Variants in HACD2 observed in about 807,000 individuals in gnomAD.
The protein encoded by HACD2 is 3-hydroxyacyl-CoA dehydratase 2.
A neutral mutation model predicts 31.0 loss-of-function variants in HACD2; 15 were observed. That is an observed-to-expected ratio of 0.48 (90% CI 0.32 to 0.75). The LOEUF (loss-of-function observed/expected upper bound fraction) is 0.75, where lower values mean the gene tolerates loss of function less well. Among genes scored for constraint, HACD2 ranks in the 30% least tolerant of loss-of-function variants. The probability of loss-of-function intolerance (pLI) is 0.03; values close to 1 mark genes in which losing one functional copy is unlikely to be tolerated. For synonymous variants in HACD2, 115 were observed against 122.2 expected (o/e 0.94, Z 0.39); for missense variants, 283 against 313.0 (o/e 0.90, Z 0.72).
rs2056167221 is a variant in HACD2, at chr3:123,517,950, TGGGAGGCCGAGGCGGGCGG to T, written c.381+10417_381+10435del. On this transcript the variant is annotated intron_variant, in intron 4 of 6. Coordinates refer to ENST00000383657, the MANE Select transcript of HACD2 (RefSeq NM_198402.5). ...GCTCACGCCTGTAATCCCAGCACTTTGGGAGGCCGAGGCGGGCGGATCACGAGGTCAGGAGATCGAGACC... is the reference window on the plus strand; with the variant it reads ...GCTCACGCCTGTAATCCCAGCACTTTATCACGAGGTCAGGAGATCGAGACC... Among the ~76,000 whole-genome samples, 16 of 9,370 alleles carry T rather than the reference TGGGAGGCCGAGGCGGGCGG, an allele frequency of 1.7e-3. 8 individuals carry two copies. The highest frequency in any genetic ancestry group is 3.2e-3 in the Admixed American group (2 of 626). 6.1% of individuals were successfully genotyped at this position (9,370 alleles called of 152,430 possible).
intron 3 of HACD2, among the ~76,000 whole-genome samples, chr3:123,563,511 C>T (rs1335869538): frequency 6.6e-6 from 1 of 152,178 alleles, no homozygotes; most frequent in Non-Finnish European, 1.5e-5. Flanking sequence ...ACTAAACCCA[C>T]AGGAGCAGTG....
At chr3:123,503,458 T>C (rs530798720) in intron 4 of HACD2, among the ~76,000 whole-genome samples, 6 of 152,174 alleles carry the variant, frequency 3.9e-5, no homozygotes, top group African/African-American at 1.2e-4. Flanking sequence ...AGGAGGCAGT[T>C]AGAGCCAGAG....
rs1017869564 is a variant in HACD2, at chr3:123,567,540, A to T, written c.292+222T>A. 2.6e-5 allele frequency among the ~76,000 whole-genome samples: 4 copies of T among 152,210 alleles called. No individual in the cohort carries two copies. The East Asian group carries it at 7.7e-4, about 29-fold the overall frequency. ...GAGACACCTCTTTTAAATTAACAGA[A>T]CAAAATAGCTGTGAACTTTAATAAA... is the stretch of plus-strand genomic sequence containing the variant. On this transcript the variant is annotated intron_variant, in intron 3 of 6. Coordinates refer to ENST00000383657, the MANE Select transcript of HACD2 (RefSeq NM_198402.5).
At chr3:123,511,843 A>C (rs1222445940) in intron 4 of HACD2, among the ~76,000 whole-genome samples, 1 of 152,138 alleles carries the variant, frequency 6.6e-6, no homozygotes, top group African/African-American at 2.4e-5. Context: ...CCTCATGTTG[A>C]AATCTGATCC....
chr3:123,538,084 T>C (rs1356640846), intron 3 of HACD2, among the ~76,000 whole-genome samples: 1 of 152,114 alleles, frequency 6.6e-6, no homozygotes, highest in Non-Finnish European at 1.5e-5. Context: ...TCAAACACCA[T>C]GGGACTCAGA....
intron 4 of HACD2, among the ~76,000 whole-genome samples, chr3:123,517,096 AT>A (rs1559906467): frequency 6.6e-6 from 1 of 152,216 alleles, no homozygotes; most frequent in Non-Finnish European, 1.5e-5. Flanking sequence ...GAAGGGAAAA[AT>A]TCAATTTATT....
chr3:123,532,897 AG>A (rs1297901204), intron 3 of HACD2, among the ~76,000 whole-genome samples: 3 of 149,806 alleles, frequency 2.0e-5, no homozygotes, highest in African/African-American at 7.3e-5. Flanking sequence ...TATTTGCCGT[AG>A]GAATGGTGTA....
intron 4 of HACD2, among the ~76,000 whole-genome samples, chr3:123,510,940 TTTTTG>T (rs1171085536): frequency 1.4e-5 from 2 of 144,814 alleles, no homozygotes; most frequent in African/African-American, 2.7e-5. Flanking sequence ...GTGTTTTTTT[TTTTTG>T]TTTTTTTTTG....
intron 4 of HACD2, among the ~76,000 whole-genome samples, chr3:123,525,793 T>C (rs1282983425): frequency 6.6e-6 from 1 of 152,186 alleles, no homozygotes; most frequent in Non-Finnish European, 1.5e-5. Flanking sequence ...GAAAGTGAGA[T>C]ATATGTGATT....
chr3:123,561,972 C>A (rs986158077), intron 3 of HACD2, among the ~76,000 whole-genome samples: 10 of 152,074 alleles, frequency 6.6e-5, no homozygotes, highest in African/African-American at 2.4e-4. Context: ...CCACCATGTC[C>A]AGCTAATTTT....
intron 2 of HACD2, among the ~76,000 whole-genome samples, chr3:123,575,049 T>C (rs1053639131): frequency 6.6e-6 from 1 of 152,168 alleles, no homozygotes; most frequent in African/African-American, 2.4e-5. Flanking sequence ...TAAAGGCTTA[T>C]ACTGTGCAGC....
At chr3:123,547,295 C>A (rs980975728) in intron 3 of HACD2, among the ~76,000 whole-genome samples, 6 of 152,124 alleles carry the variant, frequency 3.9e-5, no homozygotes, top group African/African-American at 1.4e-4. Context: ...CAAATCAGCC[C>A]CAGATCTAAG....
At chr3:123,554,063 G>A (rs2056647630) in intron 3 of HACD2, among the ~76,000 whole-genome samples, 1 of 1,252 alleles carries the variant, frequency 8.0e-4, no homozygotes, top group Non-Finnish European at 1.6e-3. Context: ...TGTTTCCCTT[G>A]AGGAGTCTGA....
intron 3 of HACD2, among the ~76,000 whole-genome samples, chr3:123,534,324 A>G (rs2056400134): frequency 6.6e-6 from 1 of 152,154 alleles, no homozygotes; most frequent in Non-Finnish European, 1.5e-5. Context: ...TGGTCCCATA[A>G]GACTATAATG....
intron 3 of HACD2, among the ~76,000 whole-genome samples, chr3:123,555,627 G>C (rs778007595): frequency 1.6e-4 from 24 of 152,332 alleles, no homozygotes; most frequent in Non-Finnish European, 3.2e-4. Flanking sequence ...GATTGAAAGA[G>C]TCAATATTGT....
chr3:123,571,615 G>T (rs935865353), intron 2 of HACD2, among the ~76,000 whole-genome samples: 2 of 152,142 alleles, frequency 1.3e-5, no homozygotes, highest in African/African-American at 4.8e-5. Context: ...ACTAGATTCA[G>T]CCAATAACCT....
intron 4 of HACD2, among the ~76,000 whole-genome samples, chr3:123,513,139 A>G (rs1243387701): frequency 6.6e-6 from 1 of 152,244 alleles, no homozygotes; most frequent in Non-Finnish European, 1.5e-5. Context: ...CAAATCCTAG[A>G]TAGTTTTAGC....
At chr3:123,541,971 C>A (rs1313980943) in intron 3 of HACD2, among the ~76,000 whole-genome samples, 3 of 151,240 alleles carry the variant, frequency 2.0e-5, no homozygotes, top group Non-Finnish European at 3.0e-5. Context: ...AACGGTGAAA[C>A]CCCGTCTCTA....
intron 4 of HACD2, among the ~76,000 whole-genome samples, chr3:123,515,904 GCAC>G (rs1432705100): frequency 1.3e-5 from 2 of 151,892 alleles, no homozygotes; most frequent in African/African-American, 4.8e-5. Context: ...CTACAGGTAT[GCAC>G]CACCATGCCC....
Sources: gnomAD v4.1 joint callset for allele counts (sites outside exome capture counted in the v4.1 genomes callset) on GRCh38, gnomAD v4.1.1 for gene constraint, MANE v1.5 for transcripts, NCBI Gene and HGNC (gene_info 2026-07-23, HGNC 2026-07-21) for gene names.